Variants in INTS2 observed in about 807,000 individuals in gnomAD.
INTS2 encodes the protein KIAA1287.
In INTS2, 57 loss-of-function variants were observed where a neutral mutation model predicts 139.6. The observed-to-expected ratio is 0.41, with a 90% CI of 0.33 to 0.51. INTS2 has a LOEUF of 0.51. Among genes scored for constraint, INTS2 ranks in the 20% least tolerant of loss-of-function variants. The pLI is 0.28. For missense variants in INTS2, 1,196 were observed against 1,436.7 expected (o/e 0.83, Z 2.71); for synonymous variants, 473 against 493.4 (o/e 0.96, Z 0.55).
chr17:61,923,712 T>A (rs1169741428), intron 3 of INTS2, among the ~76,000 whole-genome samples: 1 of 152,128 alleles, frequency 6.6e-6, no homozygotes, highest in South Asian at 2.1e-4. Context: ...GCAGTTTTAC[T>A]CTTGTTGCCT....
In INTS2 at chr17:61,907,167, T is replaced by A. The variant is rs147949856; in HGVS notation, c.1181+241A>T. ...TCTTTAAACTGTGATTGGAAATTGATAAACTGCTCTGGCTCCTCCCATATT... is the reference window on the plus strand; with the variant it reads ...TCTTTAAACTGTGATTGGAAATTGAAAAACTGCTCTGGCTCCTCCCATATT... On this transcript the variant is annotated intron_variant, in intron 8 of 24. Transcript: ENST00000251334. 6.6e-5 allele frequency among the ~76,000 whole-genome samples: 10 copies of A among 152,202 alleles called. 1 individual carries two copies. The East Asian group carries it at 1.9e-3, about 29-fold the overall frequency.
chr17:61,912,373 C>CGGGGGGGGGGGGGGGGGGGGGGG (rs57078015), intron 5 of INTS2, among the ~76,000 whole-genome samples: 1 of 40,904 alleles, frequency 2.4e-5, no homozygotes, highest in Non-Finnish European at 4.8e-5. Flanking sequence ...AAGGTGGGGG[C>CGGGGGGGGGGGGGGGGGGGGGGG]GGGGGGGGGG....
In INTS2 at chr17:61,927,769, C is replaced by T. The variant is rs1252865303; in HGVS notation, c.-134G>A. Reference sequence around the variant, plus strand: ...GTTGGGCCTAGGCGATATCCGGAACCCCAAACCCTAGTTGTGCCTCGAGTC... The same window carrying T: ...GTTGGGCCTAGGCGATATCCGGAACTCCAAACCCTAGTTGTGCCTCGAGTC... On this transcript the variant is annotated 5_prime_UTR_variant, in exon 1 of 25. Transcript: ENST00000251334. The T allele has an allele frequency of 1.5e-5, 24 of 1,567,412 alleles. No individual in the cohort carries two copies. Among genetic ancestry groups the T allele is most frequent in the Admixed American group, 9.1e-5 (5 of 54,738 alleles).
rs868045122 is a variant in INTS2 at position 61,923,248 on chromosome 17, A to T, written c.433-1421T>A. The stretch of plus-strand genomic sequence containing the variant: ...ATCCCAGCACTTTGGGAGGCCAAGG[A>T]GGGCGGATCACGAGATCAGGAGATC... On this transcript the variant is annotated intron_variant, in intron 3 of 24. Transcript: ENST00000251334. Among the ~76,000 whole-genome samples, 10 of 151,132 alleles carry T rather than the reference A, an allele frequency of 6.6e-5. No homozygotes were observed. In the South Asian group the frequency reaches 1.3e-3, roughly 19 times the overall value.
rs1431916331 is a variant in INTS2 at position 61,872,046 on chromosome 17, T to C, written c.2778+219A>G. The C allele has an allele frequency of 1.3e-5, 5 of 389,594 alleles. No homozygotes were observed. The East Asian group carries it at 1.5e-4, about 12-fold the overall frequency. 24.1% of individuals were successfully genotyped at this position (389,594 alleles called of 1,614,324 possible). On this transcript the variant is annotated intron_variant, in intron 20 of 24. Transcript: ENST00000251334. This position sits in a 1 kb window ranked among gnomAD's most constrained non-coding sequence, Gnocchi z 4.8. Reference sequence around the variant, plus strand: ...AATATAAATCTTATTTAAATGGCTATTTCATTCATATCATGAAGATTATTC... The same window carrying C: ...AATATAAATCTTATTTAAATGGCTACTTCATTCATATCATGAAGATTATTC...
intron 8 of INTS2, among the ~76,000 whole-genome samples, chr17:61,906,056 G>A (rs946573595): frequency 2.6e-5 from 4 of 152,088 alleles, no homozygotes; most frequent in African/African-American, 4.8e-5. Flanking sequence ...GGAATATAAT[G>A]TTCCAAAAAC....
At chr17:61,926,331 T>TATA in intron 2 of INTS2, 21 bp downstream of exon 2, 1 of 1,538,862 alleles carries the variant, frequency 6.5e-7, no homozygotes, top group Non-Finnish European at 8.8e-7. Flanking sequence ...CAAATCCACA[T>TATA]ATAATATAAC....
intron 11 of INTS2, among the ~76,000 whole-genome samples, chr17:61,895,759 CAGAT>C (rs1419561902): frequency 6.6e-6 from 1 of 151,734 alleles, no homozygotes; most frequent in African/African-American, 2.4e-5. Flanking sequence ...TGTATATGTA[CAGAT>C]AGACACACAT....
intron 7 of INTS2, among the ~76,000 whole-genome samples, 196 bp from the exon 8 acceptor site, chr17:61,907,830 A>C (rs2079481934): frequency 6.6e-6 from 1 of 152,226 alleles, no homozygotes; most frequent in Non-Finnish European, 1.5e-5. Flanking sequence ...AATATTCACC[A>C]TAATTTGGAT....
chr17:61,878,921 A>G (rs10438772), intron 17 of INTS2, among the ~76,000 whole-genome samples: 13,224 of 82,328 alleles, frequency 0.16, 2,740 homozygotes, highest in African/African-American at 0.49. Flanking sequence ...TGGGCAACAG[A>G]CCCTGTCTCC....
chr17:61,913,272 C>T (rs1425052219), intron 5 of INTS2, among the ~76,000 whole-genome samples: 2 of 139,672 alleles, frequency 1.4e-5, no homozygotes, highest in Admixed American at 7.5e-5. Context: ...CCAGGGGAGG[C>T]GGAGGTTGCC....
At chr17:61,884,442 A>T (rs1267947653) in intron 16 of INTS2, among the ~76,000 whole-genome samples, 1 of 151,848 alleles carries the variant, frequency 6.6e-6, no homozygotes, top group African/African-American at 2.4e-5. Flanking sequence ...ACAGTGAGCC[A>T]AGATCATGCC....
At chr17:61,885,723 A>ATTTT (rs1306536844) in intron 15 of INTS2, among the ~76,000 whole-genome samples, 5 of 87,176 alleles carry the variant, frequency 5.7e-5, no homozygotes, top group Non-Finnish European at 8.4e-5. Context: ...GGCCCGGCCA[A>ATTTT]TTTTTTTTTT....
In INTS2 at chr17:61,927,733, CG is replaced by C; in HGVS notation, c.-99del. The C allele has an allele frequency of 6.8e-7, 1 of 1,465,000 alleles. No homozygotes were observed. The highest frequency in any genetic ancestry group is 9.0e-7 in the Non-Finnish European group (1 of 1,111,112). The allele number at this position is 1,465,000 out of a possible 1,614,324, so 90.8% of individuals were successfully genotyped here. On this transcript the variant is annotated 5_prime_UTR_variant, in exon 1 of 25. Coordinates refer to ENST00000251334, the MANE Select transcript of INTS2 (RefSeq NM_001351695.2). ...GGCGGGACGCGGCAGAAATCGAGAG[CG>C]CGGTCCGATGTTGGGCCTAGGCGAT...
chr17:61,907,499 A>G lies in INTS2; in HGVS notation c.1090T>C (p.Ser364Pro), dbSNP rs202127548. ...TCTTCTTTCAGCCCCGAATACACAG[A>G]CACATTGGGCTCCATATCCACATCA... Reference protein sequence around the residue: ...EADVDMEPNVSVYSGLKEEHV... With the variant: ...EADVDMEPNVPVYSGLKEEHV... Residue 364 changes from serine to proline, a missense_variant, in exon 8 of 25, where the codon TCT becomes CCT. Physicochemically the swap from Ser to Pro is moderately conservative, Grantham distance 74. This residue lies in a region of INTS2 where 1,129 missense variants were observed against 1,341.9 expected (regional missense o/e 0.84). Coordinates refer to ENST00000251334, the MANE Select transcript of INTS2 (RefSeq NM_001351695.2). The G allele has an allele frequency of 5.4e-5, 87 of 1,602,486 alleles. No individual in the cohort carries two copies. The East Asian group carries it at 1.9e-3, about 35-fold the overall frequency.
intron 3 of INTS2, among the ~76,000 whole-genome samples, chr17:61,922,511 C>CATAAATATATATATATATAT (rs1555626751): frequency 1.4e-5 from 1 of 73,198 alleles, no homozygotes; most frequent in Non-Finnish European, 2.8e-5. Context: ...AACAAACAAA[C>CATAAATATATATATATATAT]ATATATATAT....
At chr17:61,881,382 A>G (rs1443938883) in intron 16 of INTS2, among the ~76,000 whole-genome samples, 1 of 152,164 alleles carries the variant, frequency 6.6e-6, no homozygotes, top group Non-Finnish European at 1.5e-5. Context: ...GGATCACCTG[A>G]GGTCAGGAGT....
intron 17 of INTS2, 71 bp downstream of exon 17, chr17:61,880,936 A>G: frequency 8.4e-7 from 1 of 1,195,304 alleles, no homozygotes. Flanking sequence ...GTATGATTAT[A>G]AGATTTCAAT....
At position 61,909,713 on chromosome 17, in the gene INTS2, C is replaced by T. The variant is rs1052693365; in HGVS notation, c.954+1807G>A. 3.9e-5 allele frequency among the ~76,000 whole-genome samples: 6 copies of T among 152,056 alleles called. No individual in the cohort carries two copies. The highest frequency in any genetic ancestry group is 1.4e-4 in the African/African-American group (6 of 41,388). On this transcript the variant is annotated intron_variant, in intron 7 of 24. Coordinates refer to ENST00000251334, the MANE Select transcript of INTS2 (RefSeq NM_001351695.2). The surrounding 1 kb of genome is among the most constrained non-coding windows in gnomAD (Gnocchi z 4.9). ...TTAATATAATGGCCTCCAGTTCCAT[C>T]CATGTTACTGTCAGACATGATTTTA... is the stretch of plus-strand genomic sequence containing the variant.
Sources: allele counts gnomAD v4.1 joint callset (sites outside exome capture counted in the v4.1 genomes callset), GRCh38; gene constraint gnomAD v4.1.1; regional missense constraint gnomAD v4.1.1; non-coding constraint Gnocchi (gnomAD v3.1); transcripts MANE v1.5; gene names NCBI Gene and HGNC (gene_info 2026-07-23, HGNC 2026-07-21).